The following HAPLN1 variants were observed in gnomAD, a reference collection of about 807,000 sequenced individuals.
The protein encoded by HAPLN1 is hyaluronan and proteoglycan link protein 1, also known as Cartilage link protein.
Under a neutral mutation model 36.5 loss-of-function variants are expected in HAPLN1, and 13 were observed. The ratio of observed to expected loss-of-function variants is 0.36; its 90% CI spans 0.23 to 0.57. The LOEUF (loss-of-function observed/expected upper bound fraction) is 0.57. Ranked by LOEUF, HAPLN1 falls within the 20% of genes least tolerant of loss-of-function variation. HAPLN1 has a pLI of 0.83. For missense variants in HAPLN1, 407 were observed against 439.7 expected (o/e 0.93, Z 0.66); for synonymous variants, 202 against 169.8 (o/e 1.19, Z -1.48).
intron 4 of HAPLN1, among the ~76,000 whole-genome samples, chr5:83,642,342 A>G (rs1749726210): frequency 6.6e-6 from 1 of 152,226 alleles, no homozygotes; most frequent in Non-Finnish European, 1.5e-5. Context: ...GTCACTTGCC[A>G]CAGATAATAC....
In HAPLN1 at chr5:83,703,003, T is replaced by C. The variant is rs112306383; in HGVS notation, c.-27+17786A>G. On this transcript the variant is annotated intron_variant, in intron 1 of 4. Coordinates refer to ENST00000274341, the MANE Select transcript of HAPLN1 (RefSeq NM_001884.4). Reference sequence around the variant, plus strand: ...CTGGGATTGCAGGTGTGAACCACCATATCTGGCCTCCAGCAATTTTCTTAT... The same window carrying C: ...CTGGGATTGCAGGTGTGAACCACCACATCTGGCCTCCAGCAATTTTCTTAT... Among the ~76,000 whole-genome samples, 1,270 of 152,316 alleles carry C rather than the reference T, an allele frequency of 8.3e-3. 10 individuals carry two copies. Among genetic ancestry groups the C allele is most frequent in the Non-Finnish European group, 0.014 (982 of 68,022 alleles).
At chr5:83,666,584 C>A (rs1341428856) in intron 2 of HAPLN1, among the ~76,000 whole-genome samples, 1 of 151,992 alleles carries the variant, frequency 6.6e-6, no homozygotes, top group Non-Finnish European at 1.5e-5. Flanking sequence ...TAGAATTCAG[C>A]ATTCTAGATT....
chr5:83,650,997 C>T (rs1750046015), intron 3 of HAPLN1, among the ~76,000 whole-genome samples: 1 of 151,912 alleles, frequency 6.6e-6, no homozygotes, highest in Non-Finnish European at 1.5e-5. Flanking sequence ...AAACAGTGAC[C>T]TTATTTTATT....
At chr5:83,661,681 G>C (rs975455924) in intron 2 of HAPLN1, among the ~76,000 whole-genome samples, 7 of 152,052 alleles carry the variant, frequency 4.6e-5, no homozygotes, top group Non-Finnish European at 7.4e-5. Flanking sequence ...CTGACCTCGT[G>C]ATCCGCCCGC....
At chr5:83,681,526 T>C (rs1406693701) in intron 1 of HAPLN1, among the ~76,000 whole-genome samples, 1 of 152,138 alleles carries the variant, frequency 6.6e-6, no homozygotes, top group African/African-American at 2.4e-5. Context: ...ATGAATTTTT[T>C]TTTTGAGACA....
intron 2 of HAPLN1, among the ~76,000 whole-genome samples, chr5:83,660,387 T>G (rs981403202): frequency 1.3e-5 from 2 of 152,178 alleles, no homozygotes; most frequent in Non-Finnish European, 2.9e-5. Context: ...TAAAAAAAGT[T>G]TTTCAAGAAC....
chr5:83,699,343 C>T (rs1377327114), intron 1 of HAPLN1, among the ~76,000 whole-genome samples: 1 of 152,194 alleles, frequency 6.6e-6, no homozygotes, highest in Non-Finnish European at 1.5e-5. Flanking sequence ...ATGACGCCTT[C>T]CAGCAAAGGT....
chr5:83,647,004 G>A (rs1038628823), intron 3 of HAPLN1, among the ~76,000 whole-genome samples: 1 of 152,196 alleles, frequency 6.6e-6, no homozygotes, highest in Non-Finnish European at 1.5e-5. Context: ...GGTAACATTG[G>A]AGAATGCAGA....
intron 1 of HAPLN1, among the ~76,000 whole-genome samples, chr5:83,676,766 T>G (rs1750869936): frequency 2.0e-5 from 3 of 152,172 alleles, no homozygotes. Flanking sequence ...TATTATCAAC[T>G]CCTGAATTAG....
intron 1 of HAPLN1, among the ~76,000 whole-genome samples, chr5:83,685,387 A>G (rs1448691682): frequency 1.3e-5 from 2 of 152,200 alleles, no homozygotes; most frequent in Non-Finnish European, 2.9e-5. Context: ...GCACAACCGT[A>G]TGCTGCAGAC....
rs1158134326 is a variant in HAPLN1, at chr5:83,641,748, G to C, written c.813C>G (p.Thr271=). The change falls in exon 5 of 5, where the codon ACC becomes ACG. Residue 271 remains threonine (T), a synonymous_variant. Transcript: ENST00000274341. ...GACAAGCTTGCACCGCTTCATCATAGGTCAGTTTGGTGGGGTGGATCAGAT... is the reference window on the plus strand; with the variant it reads ...GACAAGCTTGCACCGCTTCATCATACGTCAGTTTGGTGGGGTGGATCAGAT... ...FYYLIHPTKL[T]YDEAVQACLN... 3 of 1,614,022 alleles carry C rather than the reference G, an allele frequency of 1.9e-6. No homozygotes were observed. The highest frequency in any genetic ancestry group is 2.5e-6 in the Non-Finnish European group (3 of 1,180,032).
chr5:83,702,922 G>A (rs1751544427), intron 1 of HAPLN1, among the ~76,000 whole-genome samples: 1 of 152,110 alleles, frequency 6.6e-6, no homozygotes, highest in African/African-American at 2.4e-5. Flanking sequence ...ATGTTGGCCA[G>A]GCTGGTCTTG....
At chr5:83,716,925 G>A (rs569525540) in intron 1 of HAPLN1, among the ~76,000 whole-genome samples, 17 of 152,172 alleles carry the variant, frequency 1.1e-4, no homozygotes, top group South Asian at 4.1e-4. Context: ...CCAGCTACTC[G>A]AGAGGCTGAG....
chr5:83,683,007 A>G (rs73133861), intron 1 of HAPLN1, among the ~76,000 whole-genome samples: 5,041 of 152,300 alleles, frequency 0.033, 307 homozygotes, highest in African/African-American at 0.12. Context: ...GACTTCAAAA[A>G]TATCTACATA....
chr5:83,650,762 G>A (rs1049817208), intron 3 of HAPLN1, among the ~76,000 whole-genome samples: 20 of 151,086 alleles, frequency 1.3e-4, no homozygotes, highest in African/African-American at 4.4e-4. Context: ...AGCTTCCCGA[G>A]TAGCTGGGAC....
At chr5:83,685,756 G>A (rs1751104388) in intron 1 of HAPLN1, 1 of 152,132 alleles carries the variant, frequency 6.6e-6, no homozygotes, top group African/African-American at 2.4e-5. Context: ...GAGGTAACTG[G>A]AGTTGTCTGA....
At chr5:83,668,827 G>A (rs1321194626) in intron 2 of HAPLN1, among the ~76,000 whole-genome samples, 1 of 152,188 alleles carries the variant, frequency 6.6e-6, no homozygotes, top group Admixed American at 6.5e-5. Context: ...GTCCGTGTGA[G>A]GACTGAACCA....
chr5:83,681,657 C>T (rs1481572406), intron 1 of HAPLN1, among the ~76,000 whole-genome samples: 3 of 152,056 alleles, frequency 2.0e-5, no homozygotes, highest in Non-Finnish European at 4.4e-5. Context: ...ACCACAGCCA[C>T]CTGCCACCAA....
In HAPLN1 at chr5:83,644,611, T is replaced by A; in HGVS notation, c.527A>T (p.Glu176Val). ...RLGRYNLNFH[E>V]AQQACLDQDA... ...CTGGTCCAGACACGCCTGCTGCGCC[T>A]CGTGAAAATTGAGATTGTAGCGCCC... Residue 176 changes from glutamate to valine, a missense_variant, in exon 4 of 5, where the codon GAG becomes GTG. Glu to Val is a moderately radical substitution (Grantham distance 121, BLOSUM62 -2). Coordinates refer to ENST00000274341, the MANE Select transcript of HAPLN1 (RefSeq NM_001884.4). 6.6e-7 allele frequency: 1 copy of A among 1,513,502 alleles called. No individual in the cohort carries two copies. 93.8% of individuals were successfully genotyped at this position (1,513,502 alleles called of 1,614,324 possible).
Sources: gnomAD v4.1 joint callset for allele counts (sites outside exome capture counted in the v4.1 genomes callset) on GRCh38, gnomAD v4.1.1 for gene constraint, MANE v1.5 for transcripts, NCBI Gene and HGNC (gene_info 2026-07-23, HGNC 2026-07-21) for gene names.